The following MYH15 variants were observed in gnomAD, a reference collection of about 807,000 sequenced individuals.
The protein encoded by MYH15 is myosin-15.
MYH15 carries 227 observed loss-of-function variants against 240.5 expected under a neutral mutation model. The observed-to-expected ratio is 0.94, with a 90% CI of 0.85 to 1.05. The LOEUF (loss-of-function observed/expected upper bound fraction) is 1.05. Ranked by LOEUF, MYH15 falls within the 50% of genes least tolerant of loss-of-function variation. MYH15 has a pLI of 0.00. For synonymous variants in MYH15, 785 were observed against 796.7 expected (o/e 0.99, Z 0.25); for missense variants, 2,217 against 2,247.5 (o/e 0.99, Z 0.27).
chr3:108,543,808 C>T, the MYH15 span: 2 of 152,282 alleles, frequency 1.3e-5, no homozygotes, highest in Non-Finnish European at 2.9e-5. Context: ...GCTGGCTGAA[C>T]CAAACTGCTA....
the MYH15 span, among the ~76,000 whole-genome samples, chr3:108,540,188 T>C: frequency 3.9e-5 from 6 of 152,224 alleles, no homozygotes; most frequent in African/African-American, 1.4e-4. Context: ...CCAGGTTACA[T>C]GGTAGAATTA....
intron 18 of MYH15, among the ~76,000 whole-genome samples, chr3:108,457,687 C>T (rs568128698): frequency 2.6e-5 from 4 of 152,096 alleles, no homozygotes; most frequent in African/African-American, 9.6e-5. Flanking sequence ...AAATCATATA[C>T]CCATATTTCT....
At chr3:108,537,488 T>C in the MYH15 span, among the ~76,000 whole-genome samples, 3 of 152,174 alleles carry the variant, frequency 2.0e-5, no homozygotes, top group African/African-American at 4.8e-5. Flanking sequence ...TCCTCACAAA[T>C]GGGATACATG....
At chr3:108,388,688 G>A (rs2082400912) in intron 38 of MYH15, among the ~76,000 whole-genome samples, 1 of 152,158 alleles carries the variant, frequency 6.6e-6, no homozygotes, top group South Asian at 2.1e-4. Context: ...TGAAAGCACT[G>A]CAAACACTAT....
intron 6 of MYH15, among the ~76,000 whole-genome samples, chr3:108,497,645 G>C (rs2083401901): frequency 6.6e-6 from 1 of 152,076 alleles, no homozygotes; most frequent in Non-Finnish European, 1.5e-5. Context: ...AGTTAGGTAT[G>C]AATGAAGAAA....
intron 31 of MYH15, 73 bp from the exon 32 acceptor site, chr3:108,408,477 G>A: frequency 6.9e-7 from 1 of 1,447,628 alleles, no homozygotes; most frequent in Non-Finnish European, 9.3e-7. Flanking sequence ...AGGCACAACA[G>A]ATTCTTCCAG....
intron 3 of MYH15, 138 bp from the exon 4 acceptor site, chr3:108,500,412 A>T: frequency 2.3e-6 from 2 of 880,028 alleles, no homozygotes; most frequent in Non-Finnish European, 3.4e-6. Flanking sequence ...AATCATGTAG[A>T]GAAGGGACTT....
At position 108,410,628 on chromosome 3, in the gene MYH15, T is replaced by C. The variant is rs1341319382; in HGVS notation, c.4450A>G (p.Ile1484Val). The stretch of plus-strand genomic sequence containing the variant: ...CTCCTGAGTGTCTCCTGGCCCACGA[T>C]GCTCTCCTCATAGGTGTTCTTGAGC... The part of the protein sequence containing the change: ...LKLKNTYEES[I>V]VGQETLRREN... The change falls in exon 31 of 41, where the codon ATC becomes GTC. Residue 1484 changes from isoleucine to valine, a missense_variant. Transcript: ENST00000693548. 1 of 1,608,824 alleles carries C rather than the reference T, an allele frequency of 6.2e-7. No homozygotes were observed. The highest frequency in any genetic ancestry group is 1.1e-5 in the South Asian group (1 of 90,952).
At chr3:108,457,906 T>G (rs2083036917) in intron 18 of MYH15, among the ~76,000 whole-genome samples, 1 of 152,102 alleles carries the variant, frequency 6.6e-6, no homozygotes, top group African/African-American at 2.4e-5. Flanking sequence ...TGGTGGTACA[T>G]GCCTGTAGTC....
rs755135787 is a variant in MYH15 at position 108,439,822 on chromosome 3, T to G, written c.2990A>C (p.Gln997Pro). Reference protein sequence around the residue: ...AAKVVQEAHQQTLDDLHMEEE... With the variant: ...AAKVVQEAHQPTLDDLHMEEE... ...CTCCATGTGCAGGTCATCCAGGGTC[T>G]GCTGATGGGCCTCCTGCACAACCTT... Residue 997 changes from glutamine to proline, a missense_variant, in exon 24 of 41, where the codon CAG becomes CCG. Coordinates refer to ENST00000693548, the MANE Select transcript of MYH15 (RefSeq NM_014981.3). 11 of 1,613,716 alleles carry G rather than the reference T, an allele frequency of 6.8e-6. No homozygotes were observed. The South Asian group carries it at 1.2e-4, about 18-fold the overall frequency.
chr3:108,398,956 G>T, intron 34 of MYH15, 116 bp from the exon 35 acceptor site: 3 of 1,451,816 alleles, frequency 2.1e-6, no homozygotes, highest in Non-Finnish European at 2.9e-6. Flanking sequence ...CCTTCTCTCT[G>T]GAAAGATTAG....
chr3:108,485,647 T>G (rs745570944), intron 10 of MYH15, among the ~76,000 whole-genome samples: 13 of 152,168 alleles, frequency 8.5e-5, no homozygotes, highest in Non-Finnish European at 1.6e-4. Flanking sequence ...TTTCAAAGAC[T>G]GGTGAAAAGA....
At chr3:108,477,349 C>T (rs572673463) in intron 11 of MYH15, among the ~76,000 whole-genome samples, 1 of 152,178 alleles carries the variant, frequency 6.6e-6, no homozygotes, top group East Asian at 1.9e-4. Flanking sequence ...CTAATAGTTG[C>T]TACTAAAAGT....
chr3:108,540,480 T>C, the MYH15 span, among the ~76,000 whole-genome samples: 8 of 152,296 alleles, frequency 5.3e-5, no homozygotes, highest in South Asian at 1.5e-3. Context: ...TTTAAGGTTA[T>C]TAGTTACTGA....
At chr3:108,429,124 G>A (rs1440114722) in intron 26 of MYH15, among the ~76,000 whole-genome samples, 1 of 152,040 alleles carries the variant, frequency 6.6e-6, no homozygotes, top group Non-Finnish European at 1.5e-5. Flanking sequence ...TATAGATGGA[G>A]GGGAAAGCTT....
At chr3:108,382,209 C>G (rs1281313339) in intron 40 of MYH15, among the ~76,000 whole-genome samples, 1 of 152,176 alleles carries the variant, frequency 6.6e-6, no homozygotes, top group Admixed American at 6.5e-5. Context: ...AAATCCAGTG[C>G]CACAACACTT....
chr3:108,507,274 T>C (rs9871058), intron 1 of MYH15, among the ~76,000 whole-genome samples: 20,143 of 96,728 alleles, frequency 0.21, 2,957 homozygotes, highest in Non-Finnish European at 0.3. Context: ...TATATATATA[T>C]ATACACATAT....
chr3:108,495,207 G>A (rs1387362351), intron 7 of MYH15, among the ~76,000 whole-genome samples: 4 of 152,162 alleles, frequency 2.6e-5, no homozygotes, highest in South Asian at 2.1e-4. Flanking sequence ...GGCATAATAT[G>A]GATTTGTTAA....
chr3:108,441,149 C>T lies in MYH15; in HGVS notation c.2767G>A (p.Glu923Lys), dbSNP rs768305577. 3 of 1,614,056 alleles carry T rather than the reference C, an allele frequency of 1.9e-6. No homozygotes were observed. In the African/African-American group the frequency reaches 4.0e-5, roughly 22 times the overall value. The change falls in exon 23 of 41, where the codon GAG becomes AAG. Residue 923 changes from glutamate to lysine, a missense_variant. Glu to Lys is a moderately conservative substitution (Grantham distance 56). Coordinates refer to ENST00000693548, the MANE Select transcript of MYH15 (RefSeq NM_014981.3). ...ELSERVEEEEEINSELTARGR... is the reference protein window; with the variant it reads ...ELSERVEEEEKINSELTARGR... ...CTGGCAGTCAGCTCAGAATTTATCT[C>T]CTCTTCTTCCTCCACCCTCTCCGAC...
Sources: allele counts gnomAD v4.1 joint callset (sites outside exome capture counted in the v4.1 genomes callset), GRCh38; gene constraint gnomAD v4.1.1; transcripts MANE v1.5; gene names NCBI Gene and HGNC (gene_info 2026-07-23, HGNC 2026-07-21).